The following ENTPD1 variants were observed in gnomAD, a reference collection of about 807,000 sequenced individuals.
ENTPD1 encodes the protein ectonucleoside triphosphate diphosphohydrolase 1, also known as ATP diphosphohydrolase.
Under a neutral mutation model 57.0 loss-of-function variants are expected in ENTPD1, and 33 were observed. The ratio of observed to expected loss-of-function variants is 0.58; its 90% CI spans 0.44 to 0.77. The LOEUF is 0.77. Among genes scored for constraint, ENTPD1 ranks in the 30% least tolerant of loss-of-function variants. The pLI, the probability that ENTPD1 is intolerant of heterozygous loss-of-function variation, is 0.00. For synonymous variants in ENTPD1, 202 were observed against 218.8 expected, an observed-to-expected ratio of 0.92 and a Z score of 0.68; for missense variants, 501 against 603.4, an observed-to-expected ratio of 0.83 and a Z score of 1.78.
chr10:95,835,969 A>G (rs2098408593), intron 2 of ENTPD1, among the ~76,000 whole-genome samples: 1 of 152,094 alleles, frequency 6.6e-6, no homozygotes, highest in South Asian at 2.1e-4. Context: ...TCTTACAGTT[A>G]TGTGTTTATT....
chr10:95,729,573 T>C (rs61869572), intron 1 of ENTPD1, among the ~76,000 whole-genome samples: 1 of 152,198 alleles, frequency 6.6e-6, no homozygotes, highest in Non-Finnish European at 1.5e-5. Context: ...AACCTTTTCC[T>C]TCCCAGAAAA....
chr10:95,749,690 C>A (rs961714332), intron 1 of ENTPD1, among the ~76,000 whole-genome samples: 8 of 152,068 alleles, frequency 5.3e-5, no homozygotes, highest in African/African-American at 1.7e-4. Flanking sequence ...ACAGCATATG[C>A]AAAGACTTGG....
chr10:95,714,709 ATTACT>A (rs537152478), intron 1 of ENTPD1, among the ~76,000 whole-genome samples: 6 of 152,330 alleles, frequency 3.9e-5, no homozygotes, highest in African/African-American at 1.2e-4. Context: ...TCATTTGTGC[ATTACT>A]TTACTTCATG....
intron 1 of ENTPD1, among the ~76,000 whole-genome samples, chr10:95,729,106 A>T (rs1048511114): frequency 5.3e-5 from 8 of 151,998 alleles, no homozygotes; most frequent in African/African-American, 1.9e-4. Context: ...ATATATATAT[A>T]TTTTTTGAAA....
At chr10:95,729,508 T>A (rs1285885461) in intron 1 of ENTPD1, among the ~76,000 whole-genome samples, 1 of 152,174 alleles carries the variant, frequency 6.6e-6, no homozygotes, top group Admixed American at 6.5e-5. Context: ...AGTAAAGAGA[T>A]AACAGCTAGA....
At chr10:95,714,731 A>ATATATTTAT (rs2097969599) in intron 1 of ENTPD1, among the ~76,000 whole-genome samples, 1 of 152,220 alleles carries the variant, frequency 6.6e-6, no homozygotes, top group Admixed American at 6.5e-5. Flanking sequence ...CATGGAAGGA[A>ATATATTTAT]TATATTTATC....
In ENTPD1 at chr10:95,868,471, C is replaced by T; in HGVS notation, c.*2088C>T. ...CCTGGCTTCCTAATTTTAATGTTTG[C>T]TCACAGCATAGTAGATTGACATCAA... On this transcript the variant is annotated 3_prime_UTR_variant, in exon 10 of 10. Coordinates refer to ENST00000371205, the MANE Select transcript of ENTPD1 (RefSeq NM_001776.6). 1 of 985,376 alleles carries T rather than the reference C, an allele frequency of 1.0e-6. No homozygotes were observed. Among genetic ancestry groups the T allele is most frequent in the Non-Finnish European group, 1.2e-6 (1 of 829,936 alleles). The allele number at this position is 985,376 out of a possible 1,614,324, so 61.0% of individuals were successfully genotyped here.
Position 95,842,500 on chromosome 10 carries a change from G to C in ENTPD1, c.413+6G>C. On this transcript the variant is annotated splice_donor_region_variant and intron_variant, in intron 4 of 9. Coordinates refer to ENST00000371205, the MANE Select transcript of ENTPD1 (RefSeq NM_001776.6). ...GCAGGCATGCGGTTGCTCAGGTATA[G>C]CAGCATGTAGGGACCAAGAGTATCT... is the stretch of plus-strand genomic sequence containing the variant. 6.2e-7 allele frequency: 1 copy of C among 1,612,970 alleles called. No individual in the cohort carries two copies. Among genetic ancestry groups the C allele is most frequent in the African/African-American group, 1.3e-5 (1 of 74,970 alleles).
Position 95,872,118 on chromosome 10 carries a change from G to A in ENTPD1, c.*5735G>A. 4.1e-6 allele frequency: 4 copies of A among 985,312 alleles called. No individual in the cohort carries two copies. The highest frequency in any genetic ancestry group is 4.8e-6 in the Non-Finnish European group (4 of 829,912). The allele number at this position is 985,312 out of a possible 1,614,324, so 61.0% of individuals were successfully genotyped here. A position where few individuals can be genotyped will look rare whatever the true frequency, so the allele number is the denominator to read the frequency against. On this transcript the variant is annotated 3_prime_UTR_variant, in exon 10 of 10. Transcript: ENST00000371205. ...TTCTCCTTCTAATATTACTGTTATTGCTCCAGTAAAGAGCTGTAATATATT... is the reference window on the plus strand; with the variant it reads ...TTCTCCTTCTAATATTACTGTTATTACTCCAGTAAAGAGCTGTAATATATT...
Position 95,833,120 on chromosome 10 carries a change from G to A in ENTPD1, c.145-6571G>A, listed in dbSNP as rs200158942. Among the ~76,000 whole-genome samples the A allele has an allele frequency of 2.4e-4, 36 of 152,210 alleles. No individual in the cohort carries two copies. The South Asian group carries it at 7.0e-3, about 30-fold the overall frequency. On this transcript the variant is annotated intron_variant, in intron 2 of 9. Transcript: ENST00000371205. ...AAGATTTGCTCTGATTTCCAACCTC[G>A]AATACTCTTGGAAAATATCTGTATT...
rs188484151 is a variant in ENTPD1 at position 95,756,194 on chromosome 10, G to C, written c.-46G>C. ...ACGGACCACAGCAAGCAGAGGCTGGGGGGGGGAAAGACGAGGAAAGAGGAG... is the reference window on the plus strand; with the variant it reads ...ACGGACCACAGCAAGCAGAGGCTGGCGGGGGGAAAGACGAGGAAAGAGGAG... On this transcript the variant is annotated 5_prime_UTR_variant, in exon 1 of 10. Coordinates refer to ENST00000371205, the MANE Select transcript of ENTPD1 (RefSeq NM_001776.6). 230 of 1,580,158 alleles carry C rather than the reference G, an allele frequency of 1.5e-4. No homozygotes were observed. The highest frequency in any genetic ancestry group is 4.5e-4 in the African/African-American group (33 of 73,990).
intron 1 of ENTPD1, among the ~76,000 whole-genome samples, chr10:95,810,549 T>C (rs1307920204): frequency 6.6e-6 from 1 of 151,568 alleles, no homozygotes. Flanking sequence ...CGCTCCTCAC[T>C]TCCCAGACAG....
At chr10:95,774,625 A>C (rs755786287) in intron 1 of ENTPD1, among the ~76,000 whole-genome samples, 37 of 152,190 alleles carry the variant, frequency 2.4e-4, no homozygotes, top group Non-Finnish European at 4.7e-4. Flanking sequence ...AGGTTTGTCA[A>C]AGATCAGATG....
chr10:95,820,034 G>T (rs1566193058), intron 1 of ENTPD1, among the ~76,000 whole-genome samples: 1 of 152,160 alleles, frequency 6.6e-6, no homozygotes, highest in Non-Finnish European at 1.5e-5. Flanking sequence ...CTAAGAAGAA[G>T]GGGCAGTTAC....
At position 95,867,204 on chromosome 10, in the gene ENTPD1, A is replaced by T; in HGVS notation, c.*821A>T. On this transcript the variant is annotated 3_prime_UTR_variant, in exon 10 of 10. Coordinates refer to ENST00000371205, the MANE Select transcript of ENTPD1 (RefSeq NM_001776.6). ...AATGCATCTTCCAATGCATATTTTT[A>T]TTATGGTAAAATATACATAAATATA... 1.0e-6 allele frequency: 1 copy of T among 983,734 alleles called. No homozygotes were observed. Among genetic ancestry groups the T allele is most frequent in the Non-Finnish European group, 1.2e-6 (1 of 828,332 alleles). The allele number at this position is 983,734 out of a possible 1,614,324, so 60.9% of individuals were successfully genotyped here.
chr10:95,779,555 T>C (rs2098148109), intron 1 of ENTPD1, among the ~76,000 whole-genome samples: 1 of 152,190 alleles, frequency 6.6e-6, no homozygotes, highest in Admixed American at 6.5e-5. Flanking sequence ...GCAACTTCTT[T>C]TCCTAGAAAG....
intron 1 of ENTPD1, among the ~76,000 whole-genome samples, chr10:95,810,337 C>T (rs867359298): frequency 9.7e-5 from 14 of 144,250 alleles, no homozygotes; most frequent in Admixed American, 3.4e-4. Context: ...CCAGATGGGG[C>T]GGCTGGGCAG....
intron 2 of ENTPD1, among the ~76,000 whole-genome samples, chr10:95,830,334 A>G (rs1227060772): frequency 6.6e-6 from 1 of 152,148 alleles, no homozygotes; most frequent in East Asian, 1.9e-4. Context: ...GAGGAGGTCC[A>G]AGTCTGAGCT....
At chr10:95,802,373 A>T (rs896723589) in intron 1 of ENTPD1, among the ~76,000 whole-genome samples, 7 of 152,146 alleles carry the variant, frequency 4.6e-5, no homozygotes, top group African/African-American at 1.7e-4. Context: ...GCAGGTTGTA[A>T]AATGTTTCTT....
Sources: gnomAD v4.1 joint callset for allele counts (sites outside exome capture counted in the v4.1 genomes callset) on GRCh38, gnomAD v4.1.1 for gene constraint, MANE v1.5 for transcripts, NCBI Gene and HGNC (gene_info 2026-07-23, HGNC 2026-07-21) for gene names.